SMARCA2: variants seen among roughly 807,000 people sequenced by gnomAD.
The protein encoded by SMARCA2 is SWI/SNF-related matrix-associated actin-dependent regulator of chromatin subfamily A member 2.
In SMARCA2, 61 loss-of-function variants were observed where a neutral mutation model predicts 199.8. The observed-to-expected ratio is 0.31, with a 90% CI of 0.25 to 0.38. The LOEUF (loss-of-function observed/expected upper bound fraction) is 0.38, where lower values mean the gene tolerates loss of function less well. SMARCA2 is among the 10% of genes least tolerant of loss of function. The probability of loss-of-function intolerance (pLI) is 1.00; values close to 1 mark genes in which losing one functional copy is unlikely to be tolerated. For synonymous variants in SMARCA2, 935 were observed against 732.0 expected (o/e 1.28, Z -4.48); for missense variants, 1,344 against 2,012.2 (o/e 0.67, Z 6.35).
intron 9 of SMARCA2, among the ~76,000 whole-genome samples, chr9:2,065,789 C>T (rs957009137): frequency 6.6e-6 from 1 of 152,094 alleles, no homozygotes; most frequent in Non-Finnish European, 1.5e-5. Context: ...AAGAAAGGTT[C>T]TAATGTAATT....
chr9:2,159,578 A>G (rs1825557796), intron 27 of SMARCA2: 1 of 410,398 alleles, frequency 2.4e-6, no homozygotes, highest in African/African-American at 2.0e-5. Flanking sequence ...CTCAGAAACC[A>G]TCTGAGCTAA....
intron 29 of SMARCA2, among the ~76,000 whole-genome samples, chr9:2,177,748 C>G (rs1018968382): frequency 7.2e-5 from 11 of 152,090 alleles, no homozygotes; most frequent in African/African-American, 2.7e-4. Flanking sequence ...GAGGGGGTTT[C>G]TCCATGTTGG....
rs572544047 is a variant in SMARCA2, at chr9:2,030,243, T to C, written c.225+996T>C. ...TATGAGGAATTGGCTCACACAGTTATGGAAGCTGAGAGTTCTATTATCTGC... is the reference window on the plus strand; with the variant it reads ...TATGAGGAATTGGCTCACACAGTTACGGAAGCTGAGAGTTCTATTATCTGC... On this transcript the variant is annotated intron_variant, in intron 2 of 33. Transcript: ENST00000349721. 5.3e-5 allele frequency among the ~76,000 whole-genome samples: 8 copies of C among 152,324 alleles called. No individual in the cohort carries two copies. In the East Asian group the frequency reaches 1.2e-3, roughly 22 times the overall value.
intron 10 of SMARCA2, among the ~76,000 whole-genome samples, chr9:2,072,478 CAA>C (rs1258419970): frequency 6.6e-6 from 1 of 152,172 alleles, no homozygotes; most frequent in African/African-American, 2.4e-5. Flanking sequence ...TTGTCACACT[CAA>C]AGATACCAAT....
chr9:2,029,239 A>C lies in SMARCA2; in HGVS notation c.217A>C (p.Met73Leu), dbSNP rs1818960707. The C allele has an allele frequency of 6.2e-7, 1 of 1,611,016 alleles. No individual in the cohort carries two copies. The change falls in exon 2 of 34, where the codon ATG becomes CTG. Residue 73 changes from methionine to leucine, a missense_variant. Met to Leu is a conservative substitution (Grantham distance 15). Coordinates refer to ENST00000349721, the MANE Select transcript of SMARCA2 (RefSeq NM_003070.5). ...CTTCCCACAGGAAGGCATGCATCAAATGCATAAGGTAAGAGTTTGTTCTCC... is the reference window on the plus strand; with the variant it reads ...CTTCCCACAGGAAGGCATGCATCAACTGCATAAGGTAAGAGTTTGTTCTCC... Reference protein sequence around the residue: ...TDFPQEGMHQMHKPIDGIHDK... With the variant: ...TDFPQEGMHQLHKPIDGIHDK...
Position 2,161,665 on chromosome 9 carries a change from T to G in SMARCA2, c.3982-21T>G. On this transcript the variant is annotated intron_variant, in intron 27 of 33. Transcript: ENST00000349721. This position sits in a 1 kb window ranked among gnomAD's most constrained non-coding sequence, Gnocchi z 4.7. The stretch of plus-strand genomic sequence containing the variant: ...GTTATTCTCTTGTCTTGAATTTGTC[T>G]CCTTTGTTTCCAACGAACAGGCCAT... 1 of 1,563,208 alleles carries G rather than the reference T, an allele frequency of 6.4e-7. No individual in the cohort carries two copies. The highest frequency in any genetic ancestry group is 1.4e-5 in the African/African-American group (1 of 73,434).
Position 2,170,522 on chromosome 9 carries a change from T to C in SMARCA2, c.4253+50T>C. 1 of 1,613,252 alleles carries C rather than the reference T, an allele frequency of 6.2e-7. No individual in the cohort carries two copies. ...TATCTCTAAATACAGGTATCCCTCG[T>C]TACGTGAAACAGATTGAATCATATA... On this transcript the variant is annotated intron_variant, in intron 29 of 33. Coordinates refer to ENST00000349721, the MANE Select transcript of SMARCA2 (RefSeq NM_003070.5). The surrounding 1 kb of genome is among the most constrained non-coding windows in gnomAD (Gnocchi z 4.7).
chr9:2,053,634 T>A (rs1820224900), intron 5 of SMARCA2, among the ~76,000 whole-genome samples: 1 of 152,248 alleles, frequency 6.6e-6, no homozygotes, highest in Admixed American at 6.5e-5. Flanking sequence ...TTAGCCTACT[T>A]TAACTTATTA....
At chr9:2,103,014 G>A (rs1348219065) in intron 22 of SMARCA2, among the ~76,000 whole-genome samples, 1 of 148,818 alleles carries the variant, frequency 6.7e-6, no homozygotes, top group Non-Finnish European at 1.5e-5. Flanking sequence ...TACCCCTCAG[G>A]ACCTTTATGC....
rs567305136 is a variant in SMARCA2, at chr9:2,082,998, C to G, written c.2349-349C>G. Among the ~76,000 whole-genome samples, 8 of 152,212 alleles carry G rather than the reference C, an allele frequency of 5.3e-5. No individual in the cohort carries two copies. The East Asian group carries it at 1.5e-3, about 29-fold the overall frequency. ...TTATAATTTCTTTTTCCTGACTCAT[C>G]TTTTTTCTGAACCTATATGGCTGTT... On this transcript the variant is annotated intron_variant, in intron 15 of 33. Transcript: ENST00000349721.
intron 1 of SMARCA2, chr9:2,018,005 G>A (rs1818437542): frequency 6.6e-6 from 1 of 152,270 alleles, no homozygotes; most frequent in Non-Finnish European, 1.5e-5. Context: ...GGCCGCTGTT[G>A]CTTGTCAGTT....
intron 9 of SMARCA2, among the ~76,000 whole-genome samples, chr9:2,070,103 G>T (rs1223145607): frequency 6.6e-6 from 1 of 152,170 alleles, no homozygotes; most frequent in Non-Finnish European, 1.5e-5. Context: ...AACACGAGAA[G>T]AACATTTCAG....
At chr9:2,172,658 G>T (rs1826319652) in intron 29 of SMARCA2, among the ~76,000 whole-genome samples, 1 of 152,108 alleles carries the variant, frequency 6.6e-6, no homozygotes, top group African/African-American at 2.4e-5. Flanking sequence ...ACTCTTCTAG[G>T]AGTGGGGTCT....
chr9:2,155,905 C>T (rs572690901), intron 27 of SMARCA2, among the ~76,000 whole-genome samples: 1 of 152,006 alleles, frequency 6.6e-6, no homozygotes, highest in Non-Finnish European at 1.5e-5. Flanking sequence ...GTGCAGTTGG[C>T]ATCCCAGTTG....
rs184913034 is a variant in SMARCA2 at position 2,182,221 on chromosome 9, G to C, written c.4440G>C (p.Thr1480=). Residue 1480 remains threonine, a synonymous_variant, in exon 31 of 34, where the codon ACG becomes ACC. Transcript: ENST00000349721. ...DVMLLCHNAQ[T]FNLEGSQIYE... Reference sequence around the variant, plus strand: ...TGCTTCTCTGTCACAACGCTCAGACGTTCAACCTGGAGGGATCCCAGGTCT... The same window carrying C: ...TGCTTCTCTGTCACAACGCTCAGACCTTCAACCTGGAGGGATCCCAGGTCT... The C allele has an allele frequency of 1.2e-5, 19 of 1,612,176 alleles. No homozygotes were observed. The highest frequency in any genetic ancestry group is 1.6e-5 in the Non-Finnish European group (19 of 1,178,358).
intron 9 of SMARCA2, among the ~76,000 whole-genome samples, chr9:2,068,578 A>C (rs1445003263): frequency 1.3e-5 from 2 of 152,230 alleles, no homozygotes; most frequent in African/African-American, 2.4e-5. Flanking sequence ...TAGAAGGCAA[A>C]ACGTATTATA....
At position 2,161,851 on chromosome 9, in the gene SMARCA2, C is replaced by A. The variant is rs776696051; in HGVS notation, c.4147C>A (p.Leu1383Met). The A allele has an allele frequency of 1.2e-5, 19 of 1,614,122 alleles. No individual in the cohort carries two copies. The South Asian group carries it at 2.0e-4, about 17-fold the overall frequency. Residue 1383 changes from leucine (L) to methionine (M), a missense_variant, in exon 28 of 34, where the codon CTG (leucine) becomes ATG (methionine). Coordinates refer to ENST00000349721, the MANE Select transcript of SMARCA2 (RefSeq NM_003070.5). This position sits in a 1 kb window ranked among gnomAD's most constrained non-coding sequence, Gnocchi z 4.7. ...GAAACTGTCACCAAATCCCCCCAAA[C>A]TGACAAAGCAGATGAACGCTATCAT... is the stretch of plus-strand genomic sequence containing the variant. Reference protein sequence around the residue: ...AEKLSPNPPKLTKQMNAIIDT... With the variant: ...AEKLSPNPPKMTKQMNAIIDT...
chr9:2,052,826 G>A (rs572360815), intron 5 of SMARCA2, among the ~76,000 whole-genome samples: 7 of 152,074 alleles, frequency 4.6e-5, no homozygotes, highest in East Asian at 1.9e-4. Context: ...GATGGCTGTC[G>A]TCATCAGCAT....
chr9:2,186,314 A>AGAGTGGG, intron 32 of SMARCA2, 86 bp downstream of exon 32: 1 of 1,368,660 alleles, frequency 7.3e-7, no homozygotes. Flanking sequence ...AAGAGACTTT[A>AGAGTGGG]GAGTGGGGCA....
Sources: gnomAD v4.1 joint callset for allele counts (sites outside exome capture counted in the v4.1 genomes callset) on GRCh38, gnomAD v4.1.1 for gene constraint, Gnocchi (gnomAD v3.1) non-coding constraint, MANE v1.5 for transcripts, NCBI Gene and HGNC (gene_info 2026-07-23, HGNC 2026-07-21) for gene names.